Variants in AHCYL2 observed in about 807,000 individuals in gnomAD.
AHCYL2 encodes adenosylhomocysteinase like 2, also known as S-adenosylhomocysteine hydrolase-like protein 2.
In AHCYL2, 28 loss-of-function variants were observed where a neutral mutation model predicts 81.4. The observed-to-expected ratio is 0.34, with a 90% confidence interval of 0.25 to 0.47. The LOEUF (loss-of-function observed/expected upper bound fraction) is 0.47. Among genes scored for constraint, AHCYL2 ranks in the 20% least tolerant of loss-of-function variants. The pLI is 1.00. For missense variants in AHCYL2, 551 were observed against 785.1 expected, an observed-to-expected ratio of 0.70 and a Z score of 3.56; for synonymous variants, 272 against 290.2, an observed-to-expected ratio of 0.94 and a Z score of 0.64.
At chr7:129,425,030 G>A in intron 14 of AHCYL2, 33 bp from the exon 15 acceptor site, 1 of 1,612,898 alleles carries the variant, frequency 6.2e-7, no homozygotes, top group Non-Finnish European at 8.5e-7. Flanking sequence ...TGCCATGAAT[G>A]GCACATCAGC....
At chr7:129,331,625 C>T (rs763915602) in intron 1 of AHCYL2, among the ~76,000 whole-genome samples, 27 of 151,970 alleles carry the variant, frequency 1.8e-4, no homozygotes, top group Non-Finnish European at 3.5e-4. Flanking sequence ...GGGCAGATCA[C>T]GAGCTCAGGA....
Position 129,368,627 on chromosome 7 carries a change from G to T in AHCYL2, c.364-11011G>T. 6.5e-7 allele frequency: 1 copy of T among 1,547,342 alleles called. No individual in the cohort carries two copies. The highest frequency in any genetic ancestry group is 8.9e-7 in the Non-Finnish European group (1 of 1,119,682). On this transcript the variant is annotated intron_variant, in intron 1 of 16. Coordinates refer to ENST00000325006, the MANE Select transcript of AHCYL2 (RefSeq NM_015328.4). This position sits in a 1 kb window ranked among gnomAD's most constrained non-coding sequence, Gnocchi z 4.4. ...GCAACCATTTCTGACGGGTGACAAG[G>T]ATCACCTCTGAGAAGCTCCTACCAA...
At chr7:129,328,597 G>C (rs1798310180) in intron 1 of AHCYL2, among the ~76,000 whole-genome samples, 1 of 152,054 alleles carries the variant, frequency 6.6e-6, no homozygotes, top group African/African-American at 2.4e-5. Context: ...TGATTCTCCT[G>C]CCTCAGCCTC....
intron 1 of AHCYL2, among the ~76,000 whole-genome samples, chr7:129,373,873 T>A (rs780873660): frequency 7.2e-5 from 11 of 152,206 alleles, no homozygotes; most frequent in Non-Finnish European, 1.5e-4. Context: ...TGTCTCACTT[T>A]GTGAAATTAT....
intron 6 of AHCYL2, 30 bp downstream of exon 6, chr7:129,400,414 G>A: frequency 6.2e-7 from 1 of 1,603,342 alleles, no homozygotes; most frequent in East Asian, 2.2e-5. Context: ...ACACAATTCT[G>A]TAGGGGTCAG....
At chr7:129,323,916 G>T (rs1798124847) in intron 1 of AHCYL2, among the ~76,000 whole-genome samples, 1 of 148,464 alleles carries the variant, frequency 6.7e-6, no homozygotes. Flanking sequence ...TTTCGCCCAG[G>T]TTGGAGTGCA....
intron 1 of AHCYL2, among the ~76,000 whole-genome samples, chr7:129,325,596 A>G (rs917781020): frequency 6.6e-6 from 1 of 152,088 alleles, no homozygotes; most frequent in Admixed American, 6.6e-5. Context: ...TTCAGCCATT[A>G]TTCTATTTTC....
intron 1 of AHCYL2, among the ~76,000 whole-genome samples, chr7:129,352,459 T>C (rs1793601475): frequency 6.6e-6 from 1 of 152,142 alleles, no homozygotes; most frequent in African/African-American, 2.4e-5. Context: ...CACATAAATG[T>C]TTCATATTCT....
At chr7:129,267,266 T>TGTGTGTGTGTGC (rs1795847226) in intron 1 of AHCYL2, among the ~76,000 whole-genome samples, 1 of 151,912 alleles carries the variant, frequency 6.6e-6, no homozygotes, top group African/African-American at 2.4e-5. Context: ...TGTGTGTGTG[T>TGTGTGTGTGTGC]GTGTACACCC....
At chr7:129,265,659 G>A (rs1795790566) in intron 1 of AHCYL2, among the ~76,000 whole-genome samples, 1 of 152,166 alleles carries the variant, frequency 6.6e-6, no homozygotes, top group Non-Finnish European at 1.5e-5. Context: ...GTCATGTATG[G>A]TGTTAATAGG....
At chr7:129,292,255 A>G (rs915763444) in intron 1 of AHCYL2, among the ~76,000 whole-genome samples, 2 of 152,216 alleles carry the variant, frequency 1.3e-5, no homozygotes, top group Admixed American at 6.5e-5. Flanking sequence ...AGAGGCAGCC[A>G]TCCTAGTTTC....
chr7:129,339,916 CT>C (rs774989478), intron 1 of AHCYL2, among the ~76,000 whole-genome samples: 135 of 104,528 alleles, frequency 1.3e-3, no homozygotes, highest in African/African-American at 5.0e-3. Flanking sequence ...TTCCTCTGCT[CT>C]TTTTTTTTTT....
intron 1 of AHCYL2, among the ~76,000 whole-genome samples, chr7:129,259,082 G>A (rs1250606479): frequency 1.3e-5 from 2 of 152,180 alleles, no homozygotes; most frequent in Admixed American, 1.3e-4. Flanking sequence ...AATCTCTGGT[G>A]TGCCTCCTTC....
At chr7:129,360,704 C>T (rs977298377) in intron 1 of AHCYL2, among the ~76,000 whole-genome samples, 7 of 151,430 alleles carry the variant, frequency 4.6e-5, no homozygotes, top group African/African-American at 1.5e-4. Flanking sequence ...TTTTGAAAGA[C>T]GTGTGTGTGT....
chr7:129,398,943 A>T (rs915727134), intron 5 of AHCYL2, among the ~76,000 whole-genome samples: 2 of 151,854 alleles, frequency 1.3e-5, no homozygotes, highest in African/African-American at 4.8e-5. Flanking sequence ...GGAATTCAAG[A>T]CCAGCGTGGC....
At chr7:129,338,188 G>A (rs1055389353) in intron 1 of AHCYL2, among the ~76,000 whole-genome samples, 1 of 151,812 alleles carries the variant, frequency 6.6e-6, no homozygotes, top group African/African-American at 2.4e-5. Context: ...TAAGAGACAG[G>A]GTCTTGCTCT....
Position 129,419,331 on chromosome 7 carries a change from G to A in AHCYL2, c.1462-3509G>A, listed in dbSNP as rs1430136118. ...AGCACTTTGGGAGGCTGAGGCAGGCGGATCATGAGGTCAGGAGTTCAAGAC... is the reference window on the plus strand; with the variant it reads ...AGCACTTTGGGAGGCTGAGGCAGGCAGATCATGAGGTCAGGAGTTCAAGAC... On this transcript the variant is annotated intron_variant, in intron 12 of 16. Coordinates refer to ENST00000325006, the MANE Select transcript of AHCYL2 (RefSeq NM_015328.4). This position sits in a 1 kb window ranked among gnomAD's most constrained non-coding sequence, Gnocchi z 4.7. Among the ~76,000 whole-genome samples, 2 of 152,120 alleles carry A rather than the reference G, an allele frequency of 1.3e-5. No individual in the cohort carries two copies. The highest frequency in any genetic ancestry group is 2.9e-5 in the Non-Finnish European group (2 of 68,028).
chr7:129,275,558 C>T (rs1349766112), intron 1 of AHCYL2, among the ~76,000 whole-genome samples: 2 of 151,964 alleles, frequency 1.3e-5, no homozygotes, highest in African/African-American at 4.8e-5. Context: ...AGAAAGCTGG[C>T]ATAGCAGGTT....
intron 1 of AHCYL2, among the ~76,000 whole-genome samples, chr7:129,330,233 A>G (rs937194178): frequency 6.6e-6 from 1 of 152,208 alleles, no homozygotes; most frequent in African/African-American, 2.4e-5. Flanking sequence ...CCTGGCCTCT[A>G]GTGATCCTCT....
Sources: gnomAD v4.1 joint callset for allele counts (sites outside exome capture counted in the v4.1 genomes callset) on GRCh38, gnomAD v4.1.1 for gene constraint, Gnocchi (gnomAD v3.1) non-coding constraint, MANE v1.5 for transcripts, NCBI Gene and HGNC (gene_info 2026-07-23, HGNC 2026-07-21) for gene names.